Variants in PARD3 observed in about 807,000 individuals in gnomAD.
PARD3 encodes the protein partitioning defective 3 homolog.
Under a neutral mutation model 155.4 loss-of-function variants are expected in PARD3, and 75 were observed. The ratio of observed to expected loss-of-function variants is 0.48; its 90% confidence interval spans 0.40 to 0.58. The LOEUF (loss-of-function observed/expected upper bound fraction) is 0.58. PARD3 is among the 20% of genes least tolerant of loss of function. The pLI is 0.00. For missense variants in PARD3, 1,642 were observed against 1,721.7 expected, an observed-to-expected ratio of 0.95 and a Z score of 0.82; for synonymous variants, 576 against 610.5, an observed-to-expected ratio of 0.94 and a Z score of 0.83.
chr10:34,377,903 A>G, intron 10 of PARD3, 64 bp downstream of exon 10: 1 of 1,300,332 alleles, frequency 7.7e-7, no homozygotes, highest in Non-Finnish European at 1.0e-6. Context: ...TGTTTTTAAA[A>G]GTTGGCTCCT....
intron 2 of PARD3, among the ~76,000 whole-genome samples, chr10:34,526,202 T>C (rs910042687): frequency 3.3e-5 from 5 of 151,404 alleles, no homozygotes; most frequent in African/African-American, 1.2e-4. Flanking sequence ...CTCTAAACTG[T>C]AATTAAAAGA....
intron 19 of PARD3, among the ~76,000 whole-genome samples, chr10:34,328,192 G>C (rs1329584132): frequency 6.6e-6 from 1 of 152,136 alleles, no homozygotes; most frequent in Non-Finnish European, 1.5e-5. Flanking sequence ...CTGAAGTATT[G>C]AAGATCTAGT....
At chr10:34,197,517 A>C (rs1951003860) in intron 22 of PARD3, among the ~76,000 whole-genome samples, 2 of 152,218 alleles carry the variant, frequency 1.3e-5, no homozygotes, top group African/African-American at 4.8e-5. Context: ...TCAACAATGT[A>C]GACATCATTA....
At chr10:34,235,025 T>TTATC (rs966710430) in intron 22 of PARD3, among the ~76,000 whole-genome samples, 1 of 152,226 alleles carries the variant, frequency 6.6e-6, no homozygotes, top group Non-Finnish European at 1.5e-5. Context: ...TAAATTTTCC[T>TTATC]TATCTATTTG....
At chr10:34,203,479 G>A (rs1951315871) in intron 22 of PARD3, among the ~76,000 whole-genome samples, 1 of 152,124 alleles carries the variant, frequency 6.6e-6, no homozygotes, top group African/African-American at 2.4e-5. Flanking sequence ...CAAAATCCAC[G>A]GATGTGCAAG....
chr10:34,630,914 A>G (rs1280472504), intron 2 of PARD3, among the ~76,000 whole-genome samples: 2 of 151,982 alleles, frequency 1.3e-5, no homozygotes, highest in Non-Finnish European at 2.9e-5. Flanking sequence ...TCCTGGGCTC[A>G]TGCAACCCTG....
intron 1 of PARD3, among the ~76,000 whole-genome samples, chr10:34,769,472 AT>A (rs143774884): frequency 0.028 from 4,155 of 150,366 alleles, 173 homozygotes; most frequent in African/African-American, 0.095. Flanking sequence ...CATTACTGTA[AT>A]TTTTTTTTTC....
chr10:34,571,273 C>G (rs1344479974), intron 2 of PARD3, among the ~76,000 whole-genome samples: 1 of 152,182 alleles, frequency 6.6e-6, no homozygotes, highest in Non-Finnish European at 1.5e-5. Context: ...ATGATCACCT[C>G]ACTGCACTCC....
intron 2 of PARD3, among the ~76,000 whole-genome samples, chr10:34,544,969 T>C (rs963120350): frequency 6.6e-6 from 1 of 152,198 alleles, no homozygotes; most frequent in African/African-American, 2.4e-5. Context: ...TCTGCTCTCA[T>C]AGTACCTGTA....
At chr10:34,405,893 T>C (rs1844412801) in intron 5 of PARD3, among the ~76,000 whole-genome samples, 1 of 152,206 alleles carries the variant, frequency 6.6e-6, no homozygotes, top group Non-Finnish European at 1.5e-5. Context: ...AGGGAGTATC[T>C]TTGCTTGCTG....
Position 34,413,097 on chromosome 10 carries a change from G to T in PARD3, c.715-11180C>A, listed in dbSNP as rs1346576846. On this transcript the variant is annotated intron_variant, in intron 5 of 24. Coordinates refer to ENST00000374788, the MANE Select transcript of PARD3 (RefSeq NM_001184785.2). ...AGGGTGAAGTGGGTTACTACTAACA[G>T]AAATTTTCTCTCTTGAAAAAACATT... 4.7e-5 allele frequency among the ~76,000 whole-genome samples: 7 copies of T among 148,920 alleles called. No homozygotes were observed. In the East Asian group the frequency reaches 5.9e-4, roughly 12 times the overall value.
intron 2 of PARD3, among the ~76,000 whole-genome samples, chr10:34,581,229 C>CTTTTTTTTTTTTTT (rs1564376327): frequency 1.1e-5 from 1 of 95,150 alleles, no homozygotes; most frequent in African/African-American, 4.5e-5. Flanking sequence ...TTTTCTTTTT[C>CTTTTTTTTTTTTTT]TTTTCTTTTT....
intron 1 of PARD3, among the ~76,000 whole-genome samples, chr10:34,703,963 T>C (rs895309096): frequency 2.0e-5 from 3 of 152,188 alleles, no homozygotes; most frequent in Admixed American, 2.0e-4. Flanking sequence ...AAGTGGAAGA[T>C]GTGTTCCAAC....
intron 22 of PARD3, among the ~76,000 whole-genome samples, chr10:34,229,665 T>C (rs1353085187): frequency 7.2e-6 from 1 of 139,428 alleles, no homozygotes; most frequent in South Asian, 2.2e-4. Flanking sequence ...AGGGTGCGTG[T>C]GTGTGTGTGT....
intron 20 of PARD3, among the ~76,000 whole-genome samples, chr10:34,303,801 G>A (rs1229660531): frequency 6.6e-6 from 1 of 152,284 alleles, no homozygotes; most frequent in East Asian, 1.9e-4. Flanking sequence ...GGGCGGCACT[G>A]ACAGGGCATG....
intron 5 of PARD3, among the ~76,000 whole-genome samples, chr10:34,439,404 A>C (rs2076349718): frequency 6.6e-6 from 1 of 152,152 alleles, no homozygotes; most frequent in African/African-American, 2.4e-5. Flanking sequence ...GAAAAAAAAA[A>C]AAGCTCAGTC....
At chr10:34,732,320 TA>T (rs1328454410) in intron 1 of PARD3, among the ~76,000 whole-genome samples, 6 of 152,206 alleles carry the variant, frequency 3.9e-5, no homozygotes, top group Non-Finnish European at 8.8e-5. Context: ...AGGCCTGAAG[TA>T]AACTGCACTA....
intron 3 of PARD3, among the ~76,000 whole-genome samples, chr10:34,482,282 G>A (rs1345689172): frequency 2.0e-5 from 3 of 152,036 alleles, no homozygotes; most frequent in Admixed American, 6.5e-5. Context: ...TTATCCTCCC[G>A]CCTCAGCCTA....
chr10:34,699,032 A>G (rs571174619), intron 1 of PARD3, among the ~76,000 whole-genome samples: 1 of 152,294 alleles, frequency 6.6e-6, no homozygotes, highest in East Asian at 1.9e-4. Flanking sequence ...TTGGTCTATC[A>G]GCAGAATATG....
Sources: gnomAD v4.1 joint callset for allele counts (sites outside exome capture counted in the v4.1 genomes callset) on GRCh38, gnomAD v4.1.1 for gene constraint, MANE v1.5 for transcripts, NCBI Gene and HGNC (gene_info 2026-07-23, HGNC 2026-07-21) for gene names.